SYNDIG1: variants seen among roughly 807,000 people sequenced by gnomAD.
The protein encoded by SYNDIG1 is synapse differentiation-inducing gene protein 1.
In SYNDIG1, 9 loss-of-function variants were observed where a neutral mutation model predicts 19.4. That is an observed-to-expected ratio of 0.46 (90% CI 0.28 to 0.81). SYNDIG1 has a LOEUF of 0.81. Among genes scored for constraint, SYNDIG1 ranks in the 30% least tolerant of loss-of-function variants. SYNDIG1 has a pLI of 0.12. For missense variants in SYNDIG1, 311 were observed against 343.3 expected (o/e 0.91, Z 0.74); for synonymous variants, 141 against 145.9 (o/e 0.97, Z 0.24).
chr20:24,516,196 G>A lies in SYNDIG1; in HGVS notation c.-78-26824G>A, dbSNP rs184247169. ...CTTATACAAAAATTAATTCAAGAGG[G>A]ATTAAAATGCTAGACCGAAAACCAT... On this transcript the variant is annotated intron_variant, in intron 1 of 3. Transcript: ENST00000376862. 5.8e-4 allele frequency among the ~76,000 whole-genome samples: 88 copies of A among 152,238 alleles called. 1 individual carries two copies. The highest frequency in any genetic ancestry group is 2.0e-3 in the African/African-American group (83 of 41,546).
chr20:24,641,699 A>AAGC (rs2059378631), intron 3 of SYNDIG1, among the ~76,000 whole-genome samples: 1 of 152,070 alleles, frequency 6.6e-6, no homozygotes, highest in African/African-American at 2.4e-5. Flanking sequence ...GCCTATACCA[A>AAGC]AGCTGTGCCC....
intron 2 of SYNDIG1, among the ~76,000 whole-genome samples, chr20:24,576,909 G>GT (rs932452741): frequency 1.3e-5 from 2 of 152,110 alleles, no homozygotes; most frequent in Non-Finnish European, 2.9e-5. Flanking sequence ...CCATCCAAAT[G>GT]TAACAACCTG....
chr20:24,512,519 C>T (rs570564217), intron 1 of SYNDIG1, among the ~76,000 whole-genome samples: 10 of 152,104 alleles, frequency 6.6e-5, no homozygotes, highest in Admixed American at 2.0e-4. Flanking sequence ...GAGGGTCCCA[C>T]GCCCACGGAG....
At chr20:24,501,560 C>T (rs903727500) in intron 1 of SYNDIG1, among the ~76,000 whole-genome samples, 1 of 152,178 alleles carries the variant, frequency 6.6e-6, no homozygotes, top group African/African-American at 2.4e-5. Flanking sequence ...AAGGCCACAC[C>T]GGCTGGGTTC....
intron 2 of SYNDIG1, among the ~76,000 whole-genome samples, chr20:24,561,511 G>T (rs181116373): frequency 3.3e-4 from 50 of 152,286 alleles, no homozygotes; most frequent in Non-Finnish European, 6.8e-4. Context: ...CCCCATTCTA[G>T]TAGAAGCACT....
intron 1 of SYNDIG1, among the ~76,000 whole-genome samples, chr20:24,529,650 C>T (rs2057200202): frequency 6.6e-6 from 1 of 152,182 alleles, no homozygotes; most frequent in Non-Finnish European, 1.5e-5. Flanking sequence ...CCATTCTTAG[C>T]TTGTGGGCTG....
In SYNDIG1 at chr20:24,509,787, C is replaced by T. The variant is rs142288367; in HGVS notation, c.-78-33233C>T. 2.7e-3 allele frequency among the ~76,000 whole-genome samples: 415 copies of T among 152,286 alleles called. 1 individual carries two copies. The highest frequency in any genetic ancestry group is 2.3e-3 in the Non-Finnish European group (159 of 68,026). ...CTGAAATTATTTTTGATTTCCTTAA[C>T]GGTTTCTAACATAGTTTGGATGTAT... On this transcript the variant is annotated intron_variant, in intron 1 of 3. Coordinates refer to ENST00000376862, the MANE Select transcript of SYNDIG1 (RefSeq NM_024893.3).
intron 1 of SYNDIG1, among the ~76,000 whole-genome samples, chr20:24,495,959 C>T (rs2056293190): frequency 6.6e-6 from 1 of 152,312 alleles, no homozygotes; most frequent in African/African-American, 2.4e-5. Flanking sequence ...ATTCTCCTGC[C>T]TCAGCCTCCC....
At chr20:24,598,688 A>C (rs890382327) in intron 3 of SYNDIG1, among the ~76,000 whole-genome samples, 9 of 152,202 alleles carry the variant, frequency 5.9e-5, no homozygotes, top group African/African-American at 1.4e-4. Context: ...TCAGTTTAAC[A>C]GTGCTTGGTT....
intron 1 of SYNDIG1, among the ~76,000 whole-genome samples, chr20:24,474,161 T>C (rs1033705629): frequency 2.0e-5 from 3 of 152,244 alleles, no homozygotes; most frequent in Non-Finnish European, 4.4e-5. Flanking sequence ...AGATTCATAT[T>C]ATGTTATAAA....
At chr20:24,542,942 GA>G in intron 1 of SYNDIG1, 77 bp from the exon 2 acceptor site, 1 of 1,163,180 alleles carries the variant, frequency 8.6e-7, no homozygotes, top group South Asian at 1.5e-5. Flanking sequence ...GGTACAGTCT[GA>G]AACAATGTGG....
At position 24,530,741 on chromosome 20, in the gene SYNDIG1, A is replaced by G. The variant is rs373371556; in HGVS notation, c.-78-12279A>G. On this transcript the variant is annotated intron_variant, in intron 1 of 3. Transcript: ENST00000376862. ...GCAGCCATACCTGTCAAACATGCCA[A>G]ACACTCTGGCTAAATGAAACTGCAA... 5.9e-5 allele frequency among the ~76,000 whole-genome samples: 9 copies of G among 152,130 alleles called. 1 individual carries two copies. In the East Asian group the frequency reaches 1.7e-3, roughly 29 times the overall value.
intron 3 of SYNDIG1, among the ~76,000 whole-genome samples, chr20:24,651,087 C>T (rs779511814): frequency 3.5e-4 from 53 of 152,228 alleles, no homozygotes; most frequent in Admixed American, 1.0e-3. Flanking sequence ...ATCCATCTGC[C>T]TCTGCCTCCT....
intron 1 of SYNDIG1, among the ~76,000 whole-genome samples, chr20:24,512,856 C>A (rs955829071): frequency 6.6e-6 from 1 of 152,184 alleles, no homozygotes; most frequent in African/African-American, 2.4e-5. Flanking sequence ...CCCCGAGTAG[C>A]CTAACTGGGA....
chr20:24,640,490 G>C, intron 3 of SYNDIG1, among the ~76,000 whole-genome samples: 1 of 123,248 alleles, frequency 8.1e-6, no homozygotes, highest in South Asian at 2.7e-4. Flanking sequence ...AGGAAGGAAG[G>C]AAGGAAGGAA....
intron 3 of SYNDIG1, among the ~76,000 whole-genome samples, chr20:24,644,616 G>C (rs752144980): frequency 4.3e-4 from 65 of 152,312 alleles, no homozygotes; most frequent in Non-Finnish European, 8.2e-4. Flanking sequence ...CCATGCTGTG[G>C]GGAAGCCCAA....
intron 2 of SYNDIG1, among the ~76,000 whole-genome samples, chr20:24,574,605 G>C (rs1285409223): frequency 6.6e-6 from 1 of 152,202 alleles, no homozygotes; most frequent in Non-Finnish European, 1.5e-5. Flanking sequence ...AGCCTGATGG[G>C]TGAACTCAAT....
chr20:24,567,555 G>A (rs538198420), intron 2 of SYNDIG1, among the ~76,000 whole-genome samples: 1 of 152,324 alleles, frequency 6.6e-6, no homozygotes, highest in South Asian at 2.1e-4. Context: ...GCCCAAAGGG[G>A]CTCTGACCTG....
intron 1 of SYNDIG1, among the ~76,000 whole-genome samples, chr20:24,527,703 G>A (rs1028542679): frequency 2.0e-5 from 3 of 152,052 alleles, no homozygotes; most frequent in African/African-American, 4.8e-5. Context: ...ATGAGGAGTC[G>A]TCACTGAATT....
Sources: gnomAD v4.1 joint callset for allele counts (sites outside exome capture counted in the v4.1 genomes callset) on GRCh38, gnomAD v4.1.1 for gene constraint, MANE v1.5 for transcripts, NCBI Gene and HGNC (gene_info 2026-07-23, HGNC 2026-07-21) for gene names.